Variants in DOCK1 observed in about 807,000 individuals in gnomAD.
The protein encoded by DOCK1 is dedicator of cytokinesis protein 1.
In DOCK1, 138 loss-of-function variants were observed where a neutral mutation model predicts 262.7. The ratio of observed to expected loss-of-function variants is 0.53; its 90% CI spans 0.46 to 0.61. The LOEUF (loss-of-function observed/expected upper bound fraction) is 0.61, where lower values mean the gene tolerates loss of function less well. Among genes scored for constraint, DOCK1 ranks in the 20% least tolerant of loss-of-function variants. DOCK1 has a pLI of 0.00. For missense variants in DOCK1, 1,908 were observed against 2,370.7 expected (o/e 0.80, Z 4.05); for synonymous variants, 866 against 867.4 (o/e 1.00, Z 0.03).
intron 32 of DOCK1, among the ~76,000 whole-genome samples, chr10:127,358,717 A>G (rs1460745452): frequency 6.6e-6 from 1 of 152,128 alleles, no homozygotes; most frequent in Non-Finnish European, 1.5e-5. Flanking sequence ...TTGTGGCCTA[A>G]TGGGTGTGGC....
intron 51 of DOCK1, among the ~76,000 whole-genome samples, chr10:127,448,331 C>A (rs973955748): frequency 6.6e-6 from 1 of 152,190 alleles, no homozygotes; most frequent in Non-Finnish European, 1.5e-5. Context: ...CCTGCCTGCC[C>A]GTACAAATAT....
chr10:127,345,145 C>T (rs576281621), intron 31 of DOCK1, among the ~76,000 whole-genome samples: 5 of 152,256 alleles, frequency 3.3e-5, no homozygotes, highest in South Asian at 2.1e-4. Flanking sequence ...GTTCACACGA[C>T]GACAAAATCA....
At chr10:127,154,755 C>A (rs554194267) in intron 27 of DOCK1, among the ~76,000 whole-genome samples, 6 of 152,120 alleles carry the variant, frequency 3.9e-5, no homozygotes, top group Non-Finnish European at 5.9e-5. Flanking sequence ...TGCTAATTCT[C>A]CCCCCTAATT....
intron 27 of DOCK1, among the ~76,000 whole-genome samples, chr10:127,231,324 C>T (rs1241845612): frequency 6.6e-6 from 1 of 150,918 alleles, no homozygotes; most frequent in Non-Finnish European, 1.5e-5. Flanking sequence ...CAGTACTATT[C>T]GATACAAGAA....
intron 23 of DOCK1, among the ~76,000 whole-genome samples, chr10:127,086,833 A>G (rs2047227696): frequency 6.6e-6 from 1 of 152,258 alleles, no homozygotes; most frequent in African/African-American, 2.4e-5. Flanking sequence ...AACTACTTTA[A>G]TATTCCTATA....
chr10:127,311,392 C>A lies in DOCK1; in HGVS notation c.3045-27614C>A, dbSNP rs539788883. 3.9e-5 allele frequency among the ~76,000 whole-genome samples: 6 copies of A among 152,326 alleles called. 1 individual carries two copies. In the South Asian group the frequency reaches 1.2e-3, roughly 32 times the overall value. ...CCTCCAGGCAGAACCAAAAACAGCT[C>A]ATTGTCTTCCTTTATGCAGTACACT... On this transcript the variant is annotated intron_variant, in intron 29 of 51. Coordinates refer to ENST00000623213, the MANE Select transcript of DOCK1 (RefSeq NM_001290223.2).
intron 35 of DOCK1, among the ~76,000 whole-genome samples, chr10:127,378,497 A>T (rs2065647028): frequency 6.6e-6 from 1 of 152,152 alleles, no homozygotes; most frequent in Admixed American, 6.5e-5. Flanking sequence ...CAAAGGTTTT[A>T]TATAGAAATT....
chr10:127,365,349 AAT>A lies in DOCK1; in HGVS notation c.3432+3139_3432+3140del, dbSNP rs1413959117. Reference sequence around the variant, plus strand: ...AATTATTGCCAAATGGTTTGATGTTAATACGATAAGATTTGCCCCATCTCCAT... The same window carrying A: ...AATTATTGCCAAATGGTTTGATGTTAACGATAAGATTTGCCCCATCTCCAT... On this transcript the variant is annotated intron_variant, in intron 33 of 51. Coordinates refer to ENST00000623213, the MANE Select transcript of DOCK1 (RefSeq NM_001290223.2). Among the ~76,000 whole-genome samples, 11 of 152,380 alleles carry A rather than the reference AAT, an allele frequency of 7.2e-5. No individual in the cohort carries two copies. In the East Asian group the frequency reaches 2.1e-3, roughly 29 times the overall value.
At chr10:127,444,055 G>A in intron 49 of DOCK1, 71 bp from the exon 50 acceptor site, 1 of 1,535,906 alleles carries the variant, frequency 6.5e-7, no homozygotes, top group African/African-American at 1.4e-5. Context: ...CTTCAACATA[G>A]GAATTTAGGT....
chr10:127,321,384 C>G (rs1343702906), intron 29 of DOCK1, among the ~76,000 whole-genome samples: 2 of 146,342 alleles, frequency 1.4e-5, no homozygotes, highest in Non-Finnish European at 3.0e-5. Flanking sequence ...TTCTTCTGCC[C>G]GGAAGAAATA....
intron 7 of DOCK1, among the ~76,000 whole-genome samples, chr10:126,997,424 T>C (rs2040283412): frequency 6.6e-6 from 1 of 152,074 alleles, no homozygotes; most frequent in Admixed American, 6.6e-5. Flanking sequence ...CTCAGGAATC[T>C]TATAATTATG....
intron 25 of DOCK1, among the ~76,000 whole-genome samples, chr10:127,114,835 C>A (rs1016480411): frequency 6.7e-6 from 1 of 150,260 alleles, no homozygotes; most frequent in East Asian, 2.0e-4. Flanking sequence ...TGGCTCACTG[C>A]AACCTGTGCC....
chr10:126,996,118 C>T (rs751103615), intron 6 of DOCK1, among the ~76,000 whole-genome samples: 38 of 151,996 alleles, frequency 2.5e-4, no homozygotes, highest in Non-Finnish European at 5.0e-4. Flanking sequence ...CAGTGGCTCA[C>T]GCCTGTAATC....
intron 22 of DOCK1, among the ~76,000 whole-genome samples, chr10:127,056,657 G>A (rs953741232): frequency 6.6e-6 from 1 of 151,398 alleles, no homozygotes; most frequent in East Asian, 1.9e-4. Context: ...AATACTTAAT[G>A]AGTGTATGAG....
intron 29 of DOCK1, among the ~76,000 whole-genome samples, chr10:127,282,906 C>G (rs2061013308): frequency 6.6e-6 from 1 of 152,218 alleles, no homozygotes; most frequent in African/African-American, 2.4e-5. Context: ...CAGCAGGGTC[C>G]TGCGTGTATC....
At chr10:127,374,884 C>T (rs181138704) in intron 35 of DOCK1, among the ~76,000 whole-genome samples, 41 of 152,318 alleles carry the variant, frequency 2.7e-4, no homozygotes, top group Non-Finnish European at 5.1e-4. Context: ...TCTAGGGGAA[C>T]GTTGTCCTAC....
intron 33 of DOCK1, among the ~76,000 whole-genome samples, chr10:127,371,217 C>T (rs2065190534): frequency 6.6e-6 from 1 of 152,214 alleles, no homozygotes; most frequent in East Asian, 1.9e-4. Flanking sequence ...AACGAGGATC[C>T]TGGAATTAGA....
chr10:126,943,176 G>A (rs956339570), intron 1 of DOCK1, among the ~76,000 whole-genome samples: 2 of 151,242 alleles, frequency 1.3e-5, no homozygotes, highest in East Asian at 1.9e-4. Context: ...TCATTTGAAC[G>A]TGGGAGGCGG....
intron 26 of DOCK1, among the ~76,000 whole-genome samples, chr10:127,127,131 G>A (rs1440908659): frequency 6.6e-6 from 1 of 152,188 alleles, no homozygotes; most frequent in Non-Finnish European, 1.5e-5. Flanking sequence ...ATGTGTTTAA[G>A]CAGATTCATA....
Sources: allele counts gnomAD v4.1 joint callset (sites outside exome capture counted in the v4.1 genomes callset), GRCh38; gene constraint gnomAD v4.1.1; transcripts MANE v1.5; gene names NCBI Gene and HGNC (gene_info 2026-07-23, HGNC 2026-07-21).